Variants in OR2T11 observed in about 807,000 individuals in gnomAD.
The protein encoded by OR2T11 is olfactory receptor 2T11.
OR2T11 carries 14 observed loss-of-function variants against 13.5 expected under a neutral mutation model. The ratio of observed to expected loss-of-function variants is 1.04; its 90% CI spans 0.69 to 1.62. The LOEUF (loss-of-function observed/expected upper bound fraction) is 1.62, where lower values mean the gene tolerates loss of function less well. Among genes scored for constraint, OR2T11 ranks in the 40% most tolerant of loss-of-function variants. The probability of loss-of-function intolerance (pLI) is 0.00; values close to 1 mark genes in which losing one functional copy is unlikely to be tolerated. For synonymous variants in OR2T11, 163 were observed against 154.6 expected (o/e 1.05, Z -0.40); for missense variants, 410 against 389.7 (o/e 1.05, Z -0.44).
rs1660534252 is a variant in OR2T11 at position 248,627,001 on chromosome 1, A to G, written c.128T>C (p.Ile43Thr). ...LGAVTANLVM[I>T]FLIQVDSRLH... ...GCGAGAGTCCACCTGAATCAAGAAT[A>G]TCATGACCAAATTTGCAGTCACGGC... Residue 43 changes from isoleucine (I) to threonine (T), a missense_variant, in exon 2 of 2, where the codon ATA (isoleucine) becomes ACA (threonine). Ile to Thr is a moderately conservative substitution (Grantham distance 89). Coordinates refer to ENST00000641193, the MANE Select transcript of OR2T11 (RefSeq NM_001001964.2). 1 of 1,570,674 alleles carries G rather than the reference A, an allele frequency of 6.4e-7. No individual in the cohort carries two copies. Among genetic ancestry groups the G allele is most frequent in the Admixed American group, 1.7e-5 (1 of 58,300 alleles).
Position 248,626,713 on chromosome 1 carries a change from A to G in OR2T11, c.416T>C (p.Leu139Pro). The G allele has an allele frequency of 2.5e-6, 4 of 1,573,498 alleles. No individual in the cohort carries two copies. Among genetic ancestry groups the G allele is most frequent in the Non-Finnish European group, 3.5e-6 (4 of 1,157,116 alleles). Residue 139 changes from leucine (L) to proline (P), a missense_variant, in exon 2 of 2, where the codon CTT becomes CCT. Transcript: ENST00000641193. ...YPVLMNRKKC[L>P]LLAAGAWFGG... ...AAACCAGGCACCAGCAGCCAGCAAA[A>G]GACACTTCTTGCGGTTCATCAGGAC...
rs1324868668 is a variant in OR2T11, at chr1:248,624,706, T to C, written c.*1472A>G. ...CTCTAATCTGAAGTACAATTGACTT[T>C]ACATATAGCTTCAATATCTTTCTGT... On this transcript the variant is annotated 3_prime_UTR_variant, in exon 2 of 2. Transcript: ENST00000641193. 6.9e-6 allele frequency: 1 copy of C among 144,314 alleles called. No homozygotes were observed. Among genetic ancestry groups the C allele is most frequent in the Non-Finnish European group, 1.5e-5 (1 of 66,486 alleles). 8.9% of individuals were successfully genotyped at this position (144,314 alleles called of 1,614,324 possible). A position where few individuals can be genotyped will look rare whatever the true frequency, so the allele number is the denominator to read the frequency against.
In OR2T11 at chr1:248,627,593, G is replaced by A. The variant is rs1572101800; in HGVS notation, c.-144-321C>T. Among the ~76,000 whole-genome samples the A allele has an allele frequency of 2.1e-5, 3 of 143,430 alleles. 1 individual carries two copies. The highest frequency in any genetic ancestry group is 8.2e-5 in the African/African-American group (3 of 36,476). The allele number at this position is 143,430 out of a possible 152,430, so 94.1% of individuals were successfully genotyped here. On this transcript the variant is annotated intron_variant, in intron 1 of 1. Coordinates refer to ENST00000641193, the MANE Select transcript of OR2T11 (RefSeq NM_001001964.2). ...AAGTAAATCACTGAAGAAATGAAGG[G>A]TTAGGATAACTATTAGGGAACGTTT...
In OR2T11 at chr1:248,625,441, G is replaced by A. The variant is rs1234629217; in HGVS notation, c.*737C>T. ...CTGTTGAATCACAGAACTTGGAAAA[G>A]GGAAGTTTCTGGCCATGGATGTTAA... On this transcript the variant is annotated 3_prime_UTR_variant, in exon 2 of 2. Transcript: ENST00000641193. 1 of 143,794 alleles carries A rather than the reference G, an allele frequency of 7.0e-6. No homozygotes were observed. Among genetic ancestry groups the A allele is most frequent in the Non-Finnish European group, 1.5e-5 (1 of 66,388 alleles). 8.9% of individuals were successfully genotyped at this position (143,794 alleles called of 1,614,324 possible).
rs566607145 is a variant in OR2T11 at position 248,630,291 on chromosome 1, AAAAT to A, written c.-144-3023_-144-3020del. Among the ~76,000 whole-genome samples the A allele has an allele frequency of 1.5e-3, 223 of 143,922 alleles. 20 individuals are homozygous for A. The highest frequency in any genetic ancestry group is 4.7e-3 in the African/African-American group (173 of 36,708). The allele number at this position is 143,922 out of a possible 152,430, so 94.4% of individuals were successfully genotyped here. On this transcript the variant is annotated intron_variant, in intron 1 of 1. Coordinates refer to ENST00000641193, the MANE Select transcript of OR2T11 (RefSeq NM_001001964.2). ...GATCAAAAAAAACTTCATTCTAGGA[AAAAT>A]AAATAACAAGTTTCTAAGATCAGAC...
chr1:248,627,893 T>C (rs1297376359), intron 1 of OR2T11, among the ~76,000 whole-genome samples: 1 of 143,650 alleles, frequency 7.0e-6, no homozygotes, highest in Non-Finnish European at 1.5e-5. Flanking sequence ...GCTGTTTTGC[T>C]AACCTTTTTG....
intron 1 of OR2T11, among the ~76,000 whole-genome samples, chr1:248,632,542 A>G (rs1317139594): frequency 7.3e-6 from 1 of 137,682 alleles, no homozygotes. Flanking sequence ...TTCTGAAATG[A>G]TTATTCACAA....
At position 248,625,938 on chromosome 1, in the gene OR2T11, A is replaced by C. The variant is rs1263669124; in HGVS notation, c.*240T>G. On this transcript the variant is annotated 3_prime_UTR_variant, in exon 2 of 2. Coordinates refer to ENST00000641193, the MANE Select transcript of OR2T11 (RefSeq NM_001001964.2). ...AATATTTGGGGTTTTTCTTCCCTAA[A>C]TAAAAAGACTAGATAAATTATTTAA... 3.1e-6 allele frequency: 1 copy of C among 321,346 alleles called. No homozygotes were observed. The highest frequency in any genetic ancestry group is 5.6e-6 in the Non-Finnish European group (1 of 179,718). The allele number at this position is 321,346 out of a possible 1,614,324, so 19.9% of individuals were successfully genotyped here.
intron 1 of OR2T11, among the ~76,000 whole-genome samples, chr1:248,634,023 G>C (rs1419180654): frequency 7.4e-6 from 1 of 135,710 alleles, no homozygotes; most frequent in Non-Finnish European, 1.6e-5. Context: ...CATCACCCTT[G>C]ACATGCAGTT....
rs1660489178 is a variant in OR2T11, at chr1:248,624,649, CT to C, written c.*1528del. The C allele has an allele frequency of 6.9e-6, 1 of 144,306 alleles. No individual in the cohort carries two copies. Among genetic ancestry groups the C allele is most frequent in the Non-Finnish European group, 1.5e-5 (1 of 66,498 alleles). The allele number at this position is 144,306 out of a possible 1,614,324, so 8.9% of individuals were successfully genotyped here. A position where few individuals can be genotyped will look rare whatever the true frequency, so the allele number is the denominator to read the frequency against. ...CCTGTTTTTAAATGCTCTTCGTACTCTGATTATTAAATGTATGCTTTATGTT... is the reference window on the plus strand; with the variant it reads ...CCTGTTTTTAAATGCTCTTCGTACTCGATTATTAAATGTATGCTTTATGTT... On this transcript the variant is annotated 3_prime_UTR_variant, in exon 2 of 2. Transcript: ENST00000641193.
Position 248,626,866 on chromosome 1 carries a change from ATCT to A in OR2T11, c.260_262del (p.Lys87del), listed in dbSNP as rs1558172240. 6.4e-6 allele frequency: 10 copies of A among 1,570,778 alleles called. 2 individuals are homozygous for A. The African/African-American group carries it at 9.0e-5, about 14-fold the overall frequency. On this transcript the variant is annotated inframe_deletion, in exon 2 of 2. Transcript: ENST00000641193. The stretch of plus-strand genomic sequence containing the variant: ...GATGCCACAGGCCACAAAGGAAATG[ATCT>A]TCTCTTTAGAAACCATGTCTGCCAG...
chr1:248,625,579 C>CA lies in OR2T11; in HGVS notation c.*598dup, dbSNP rs1264882628. 1 of 144,202 alleles carries CA rather than the reference C, an allele frequency of 6.9e-6. No individual in the cohort carries two copies. Among genetic ancestry groups the CA allele is most frequent in the Admixed American group, 6.8e-5 (1 of 14,810 alleles). 8.9% of individuals were successfully genotyped at this position (144,202 alleles called of 1,614,324 possible). On this transcript the variant is annotated 3_prime_UTR_variant, in exon 2 of 2. Coordinates refer to ENST00000641193, the MANE Select transcript of OR2T11 (RefSeq NM_001001964.2). ...AGCTGTGTCATGCTGAACCTCCACCCATTCATACTCAGTTCTGTTCAATTC... is the reference window on the plus strand; with the variant it reads ...AGCTGTGTCATGCTGAACCTCCACCCAATTCATACTCAGTTCTGTTCAATTC...
At chr1:248,629,804 C>A (rs1660579274) in intron 1 of OR2T11, among the ~76,000 whole-genome samples, 1 of 142,170 alleles carries the variant, frequency 7.0e-6, no homozygotes, top group African/African-American at 2.8e-5. Context: ...GCCATTGCCT[C>A]TGCTGCTCCC....
In OR2T11 at chr1:248,626,834, A is replaced by G. The variant is rs1660531153; in HGVS notation, c.295T>C (p.Phe99Leu). 38 of 1,572,544 alleles carry G rather than the reference A, an allele frequency of 2.4e-5. 7 individuals are homozygous for G. Among genetic ancestry groups the G allele is most frequent in the Non-Finnish European group, 3.1e-5 (36 of 1,156,328 alleles). ...ISFVACGIQI[F>L]LYLTMIGSEF... is the part of the protein sequence containing the mutation. ...GAACCAATCATGGTCAGGTAGAGGA[A>G]GATCTGGATGCCACAGGCCACAAAG... Residue 99 changes from phenylalanine (F) to leucine (L), a missense_variant, in exon 2 of 2, where the codon TTC (phenylalanine) becomes CTC (leucine). By Grantham distance (22) the Phe-to-Leu change is conservative. Transcript: ENST00000641193.
rs1660489036 is a variant in OR2T11 at position 248,624,647 on chromosome 1, C to T, written c.*1531G>A. On this transcript the variant is annotated 3_prime_UTR_variant, in exon 2 of 2. Transcript: ENST00000641193. ...AACCTGTTTTTAAATGCTCTTCGTACTCTGATTATTAAATGTATGCTTTAT... is the reference window on the plus strand; with the variant it reads ...AACCTGTTTTTAAATGCTCTTCGTATTCTGATTATTAAATGTATGCTTTAT... The T allele has an allele frequency of 6.9e-6, 1 of 144,232 alleles. No individual in the cohort carries two copies. The highest frequency in any genetic ancestry group is 1.5e-5 in the Non-Finnish European group (1 of 66,480). 8.9% of individuals were successfully genotyped at this position (144,232 alleles called of 1,614,324 possible).
chr1:248,623,932 C>CCT lies in OR2T11; in HGVS notation c.*2244_*2245dup, dbSNP rs1465017881. On this transcript the variant is annotated 3_prime_UTR_variant, in exon 2 of 2. Coordinates refer to ENST00000641193, the MANE Select transcript of OR2T11 (RefSeq NM_001001964.2). ...CTCTTCTCCAAGATGATTCTCTTCT[C>CCT]CTCTCAAACTTTTGACGGGACCACC... The CCT allele has an allele frequency of 8.1e-6, 1 of 123,894 alleles. No homozygotes were observed. The highest frequency in any genetic ancestry group is 1.8e-5 in the Non-Finnish European group (1 of 55,112). 7.7% of individuals were successfully genotyped at this position (123,894 alleles called of 1,614,324 possible).
In OR2T11 at chr1:248,627,084, C is replaced by A. The variant is rs2103101505; in HGVS notation, c.45G>T (p.Leu15=). Reference sequence around the variant, plus strand: ...CAATCCCGGCAGCCTCACTGTTCACCAGAAGCCCCAGGAGGGTGAAGTCAG... The same window carrying A: ...CAATCCCGGCAGCCTCACTGTTCACAAGAAGCCCCAGGAGGGTGAAGTCAG... ...SSSDFTLLGL[L]VNSEAAGIVF... The change falls in exon 2 of 2, where the codon CTG becomes CTT. Residue 15 remains leucine (L), a synonymous_variant. Transcript: ENST00000641193. 1 of 1,568,564 alleles carries A rather than the reference C, an allele frequency of 6.4e-7. No individual in the cohort carries two copies. Among genetic ancestry groups the A allele is most frequent in the Non-Finnish European group, 8.7e-7 (1 of 1,153,624 alleles).
At chr1:248,629,984 G>GA (rs1274481191) in intron 1 of OR2T11, among the ~76,000 whole-genome samples, 1 of 133,230 alleles carries the variant, frequency 7.5e-6, no homozygotes, top group Non-Finnish European at 1.6e-5. Flanking sequence ...TAGAAAGTAA[G>GA]CTTCATGTGA....
In OR2T11 at chr1:248,626,852, C is replaced by A; in HGVS notation, c.277G>T (p.Ala93Ser). 6.4e-7 allele frequency: 1 copy of A among 1,571,766 alleles called. No individual in the cohort carries two copies. Among genetic ancestry groups the A allele is most frequent in the Non-Finnish European group, 8.7e-7 (1 of 1,155,960 alleles). ...VSKEKIISFV[A>S]CGIQIFLYLT... is the part of the protein sequence containing the mutation. ...TAGAGGAAGATCTGGATGCCACAGG[C>A]CACAAAGGAAATGATCTTCTCTTTA... is the stretch of plus-strand genomic sequence containing the variant. The change falls in exon 2 of 2, where the codon GCC becomes TCC. Residue 93 changes from alanine to serine, a missense_variant. Physicochemically the swap from Ala to Ser is moderately conservative, Grantham distance 99. Coordinates refer to ENST00000641193, the MANE Select transcript of OR2T11 (RefSeq NM_001001964.2).
Sources: allele counts gnomAD v4.1 joint callset (sites outside exome capture counted in the v4.1 genomes callset), GRCh38; gene constraint gnomAD v4.1.1; transcripts MANE v1.5; gene names NCBI Gene and HGNC (gene_info 2026-07-23, HGNC 2026-07-21).